GMDS: variants seen among roughly 807,000 people sequenced by gnomAD.
The protein encoded by GMDS is GDP-mannose 4,6-dehydratase.
Under a neutral mutation model 49.9 loss-of-function variants are expected in GMDS, and 20 were observed. The ratio of observed to expected loss-of-function variants is 0.40; its 90% CI spans 0.28 to 0.58. The LOEUF is 0.58. Ranked by LOEUF, GMDS falls within the 20% of genes least tolerant of loss-of-function variation. GMDS has a pLI of 0.42. For missense variants in GMDS, 362 were observed against 481.4 expected, an observed-to-expected ratio of 0.75 and a Z score of 2.32; for synonymous variants, 177 against 178.6, an observed-to-expected ratio of 0.99 and a Z score of 0.07.
intron 1 of GMDS, among the ~76,000 whole-genome samples, chr6:2,164,154 T>C (rs1229678827): frequency 1.3e-5 from 2 of 152,210 alleles, no homozygotes; most frequent in African/African-American, 2.4e-5. Context: ...AACTGCAACA[T>C]TAAATGCAGA....
intron 6 of GMDS, among the ~76,000 whole-genome samples, chr6:1,937,696 C>T (rs751002156): frequency 6.6e-6 from 1 of 152,200 alleles, no homozygotes; most frequent in Non-Finnish European, 1.5e-5. Flanking sequence ...TATGTGGACA[C>T]TTGTCATTAG....
intron 9 of GMDS, 46 bp from the exon 10 acceptor site, chr6:1,624,586 TG>T: frequency 1.5e-6 from 2 of 1,334,998 alleles, no homozygotes; most frequent in Non-Finnish European, 2.1e-6. Context: ...GTCGTGGGGG[TG>T]GGGGCAGCAG....
At chr6:1,726,342 G>T in intron 9 of GMDS, 74 bp downstream of exon 9, 1 of 946,546 alleles carries the variant, frequency 1.1e-6, no homozygotes, top group East Asian at 2.4e-5. Flanking sequence ...GCTGGCACCA[G>T]GCATTCCATG....
At chr6:1,907,158 C>T (rs1182889106) in intron 7 of GMDS, among the ~76,000 whole-genome samples, 1 of 152,154 alleles carries the variant, frequency 6.6e-6, no homozygotes, top group Non-Finnish European at 1.5e-5. Context: ...ACCCATTTGA[C>T]AACTGGCTTA....
intron 4 of GMDS, among the ~76,000 whole-genome samples, chr6:2,016,067 T>TAAAA (rs551256530): frequency 4.9e-5 from 6 of 123,012 alleles, no homozygotes; most frequent in South Asian, 2.6e-4. Context: ...ACCCTGTTTC[T>TAAAA]AAAAAAAAAA....
intron 1 of GMDS, among the ~76,000 whole-genome samples, chr6:2,219,608 C>T (rs918623403): frequency 1.3e-5 from 2 of 152,114 alleles, no homozygotes; most frequent in Non-Finnish European, 2.9e-5. Flanking sequence ...CAGGAACTTG[C>T]TATAAAAGCT....
chr6:1,695,686 T>C (rs1035282200), intron 9 of GMDS, among the ~76,000 whole-genome samples: 2 of 152,172 alleles, frequency 1.3e-5, no homozygotes, highest in Admixed American at 1.3e-4. Flanking sequence ...AGATGTGTGC[T>C]TTTCCCTGCA....
chr6:1,980,621 C>T (rs1765170811), intron 4 of GMDS, among the ~76,000 whole-genome samples: 1 of 152,152 alleles, frequency 6.6e-6, no homozygotes, highest in African/African-American at 2.4e-5. Flanking sequence ...TAACACTCCA[C>T]TGATAATATT....
intron 4 of GMDS, among the ~76,000 whole-genome samples, chr6:2,016,253 G>A (rs12212194): frequency 0.38 from 55,898 of 147,558 alleles, 10,981 homozygotes; most frequent in Middle Eastern, 0.48. Context: ...AGCAAGGCTC[G>A]GTCTCAAAAA....
intron 4 of GMDS, among the ~76,000 whole-genome samples, chr6:2,085,495 G>T (rs1284694156): frequency 1.3e-5 from 2 of 152,008 alleles, no homozygotes; most frequent in East Asian, 3.9e-4. Flanking sequence ...CAGTTTCTCT[G>T]ACTTTTTTGC....
intron 9 of GMDS, among the ~76,000 whole-genome samples, chr6:1,678,450 A>C (rs1280757935): frequency 6.6e-6 from 1 of 152,146 alleles, no homozygotes; most frequent in Non-Finnish European, 1.5e-5. Context: ...ACCTTGATTC[A>C]CTAAAGGAAC....
At chr6:1,670,096 C>T (rs979833081) in intron 9 of GMDS, among the ~76,000 whole-genome samples, 32 of 151,964 alleles carry the variant, frequency 2.1e-4, no homozygotes, top group African/African-American at 2.2e-4. Flanking sequence ...AAACCCATCA[C>T]GTCTCCTGGA....
At chr6:2,100,043 A>G (rs180823157) in intron 4 of GMDS, among the ~76,000 whole-genome samples, 18 of 152,164 alleles carry the variant, frequency 1.2e-4, no homozygotes, top group South Asian at 1.0e-3. Flanking sequence ...CTCACATCCT[A>G]TTTTACAGAT....
intron 7 of GMDS, among the ~76,000 whole-genome samples, chr6:1,918,138 G>A (rs1356745572): frequency 2.0e-5 from 3 of 152,100 alleles, no homozygotes; most frequent in Non-Finnish European, 2.9e-5. Context: ...CTGAGAGAGA[G>A]GATAGAGAGG....
intron 4 of GMDS, among the ~76,000 whole-genome samples, chr6:2,006,832 G>A (rs1188542452): frequency 6.6e-6 from 1 of 152,130 alleles, no homozygotes; most frequent in Admixed American, 6.5e-5. Flanking sequence ...ACGAAGTTTT[G>A]CAAACACAGT....
At chr6:1,754,355 T>A (rs937532981) in intron 7 of GMDS, among the ~76,000 whole-genome samples, 1 of 152,192 alleles carries the variant, frequency 6.6e-6, no homozygotes, top group Non-Finnish European at 1.5e-5. Flanking sequence ...AATCCCTGAA[T>A]AGACCAATAA....
chr6:1,711,998 C>A (rs76216932), intron 9 of GMDS, among the ~76,000 whole-genome samples: 6,374 of 152,228 alleles, frequency 0.042, 407 homozygotes, highest in East Asian at 0.3. Flanking sequence ...CAACACTTCT[C>A]CTCTGTTTAC....
intron 4 of GMDS, among the ~76,000 whole-genome samples, chr6:2,064,252 T>C (rs1003262810): frequency 6.6e-6 from 1 of 152,210 alleles, no homozygotes; most frequent in Admixed American, 6.5e-5. Context: ...TTTTAAAAAT[T>C]AAACTTTGTT....
At chr6:1,886,053 G>C (rs1241520728) in intron 7 of GMDS, among the ~76,000 whole-genome samples, 1 of 152,144 alleles carries the variant, frequency 6.6e-6, no homozygotes, top group African/African-American at 2.4e-5. Flanking sequence ...AAAATTTCCT[G>C]CTTGGTCATT....
Sources: gnomAD v4.1 joint callset for allele counts (sites outside exome capture counted in the v4.1 genomes callset) on GRCh38, gnomAD v4.1.1 for gene constraint, MANE v1.5 for transcripts, NCBI Gene and HGNC (gene_info 2026-07-23, HGNC 2026-07-21) for gene names.